GOT2: variants seen among roughly 807,000 people sequenced by gnomAD.
GOT2 encodes the protein glutamic-oxaloacetic transaminase 2, also known as aspartate aminotransferase, mitochondrial.
Under a neutral mutation model 50.0 loss-of-function variants are expected in GOT2, and 17 were observed. That is an observed-to-expected ratio of 0.34 (90% CI 0.23 to 0.51). The LOEUF is 0.51. Ranked by LOEUF, GOT2 falls within the 20% of genes least tolerant of loss-of-function variation. GOT2 has a pLI of 0.97. For missense variants in GOT2, 430 were observed against 559.6 expected (o/e 0.77, Z 2.34); for synonymous variants, 172 against 204.9 (o/e 0.84, Z 1.37).
At chr16:58,734,008 G>A in intron 1 of GOT2, 132 bp downstream of exon 1, 1 of 374,924 alleles carries the variant, frequency 2.7e-6, no homozygotes, top group Non-Finnish European at 4.2e-6. Flanking sequence ...GGGGGTGGCA[G>A]AAAAGTGTGT....
At chr16:58,733,776 C>G (rs922237140) in intron 1 of GOT2, 2 of 205,502 alleles carry the variant, frequency 9.7e-6, no homozygotes, top group East Asian at 1.0e-4. Context: ...GGCACCCTAT[C>G]AAGGGCACGG....
chr16:58,708,468 G>A (rs892982657), intron 9 of GOT2, among the ~76,000 whole-genome samples, 175 bp from the exon 10 acceptor site: 10 of 152,114 alleles, frequency 6.6e-5, no homozygotes, highest in Non-Finnish European at 1.0e-4. Flanking sequence ...AGGCTGGGGC[G>A]GTGGCTCACA....
intron 4 of GOT2, 142 bp downstream of exon 4, chr16:58,719,054 C>T (rs943677026): frequency 1.5e-6 from 1 of 668,518 alleles, no homozygotes; most frequent in African/African-American, 1.8e-5. Flanking sequence ...AAAGTCCTTT[C>T]ATTTTTTCAT....
At position 58,709,411 on chromosome 16, in the gene GOT2, A is replaced by G. The variant is rs1335702542; in HGVS notation, c.1170+6T>C. 1.3e-6 allele frequency: 2 copies of G among 1,587,158 alleles called. No homozygotes were observed. Among genetic ancestry groups the G allele is most frequent in the Non-Finnish European group, 1.7e-6 (2 of 1,158,788 alleles). ...GGTCTGCTGCAGAGAAATCAGAATC[A>G]CTCACCTGTTCAGGCTTTAGCCCTG... is the stretch of plus-strand genomic sequence containing the variant. On this transcript the variant is annotated splice_donor_region_variant and intron_variant, in intron 9 of 9. Transcript: ENST00000245206.
chr16:58,730,121 A>C (rs2044822680), intron 1 of GOT2, among the ~76,000 whole-genome samples: 1 of 152,114 alleles, frequency 6.6e-6, no homozygotes, highest in Non-Finnish European at 1.5e-5. Context: ...GAACACTGAC[A>C]ATTTATGGAG....
At chr16:58,715,978 A>C (rs777570138) in intron 8 of GOT2, 36 bp downstream of exon 8, 9 of 1,550,214 alleles carry the variant, frequency 5.8e-6, no homozygotes, top group Admixed American at 1.8e-5. Flanking sequence ...AGTGGTGGGA[A>C]CAGGTAGGTG....
chr16:58,733,472 A>G (rs2044851407), intron 1 of GOT2, among the ~76,000 whole-genome samples: 1 of 152,094 alleles, frequency 6.6e-6, no homozygotes, highest in Admixed American at 6.5e-5. Context: ...CTTAGGGGCA[A>G]TAAGGAAAAA....
chr16:58,713,238 CA>C (rs2044664869), intron 8 of GOT2, among the ~76,000 whole-genome samples: 1 of 152,072 alleles, frequency 6.6e-6, no homozygotes, highest in African/African-American at 2.4e-5. Context: ...TTCCCTTTCA[CA>C]AACTTTCTGA....
chr16:58,729,598 A>G (rs1324162155), intron 1 of GOT2, among the ~76,000 whole-genome samples: 1 of 152,100 alleles, frequency 6.6e-6, no homozygotes, highest in Non-Finnish European at 1.5e-5. Flanking sequence ...CCCTACCACA[A>G]GGAGAGAAAG....
chr16:58,726,712 T>C (rs2044787865), intron 1 of GOT2, among the ~76,000 whole-genome samples: 1 of 151,158 alleles, frequency 6.6e-6, no homozygotes, highest in African/African-American at 2.4e-5. Context: ...GGTCTCTACC[T>C]CCTGACCTCA....
chr16:58,710,926 C>G (rs1401040131), intron 8 of GOT2, among the ~76,000 whole-genome samples: 1 of 144,274 alleles, frequency 6.9e-6, no homozygotes, highest in East Asian at 2.1e-4. Context: ...GGAGATGGCG[C>G]CACTGCACTC....
chr16:58,715,640 C>T (rs2044686354), intron 8 of GOT2, among the ~76,000 whole-genome samples: 1 of 152,204 alleles, frequency 6.6e-6, no homozygotes, highest in South Asian at 2.1e-4. Flanking sequence ...GCAGCCTTCG[C>T]CTCCCAGGTT....
At chr16:58,723,935 T>C in intron 1 of GOT2, 33 bp from the exon 2 acceptor site, 1 of 1,579,744 alleles carries the variant, frequency 6.3e-7, no homozygotes, top group Non-Finnish European at 8.7e-7. Context: ...TCAATCCCAT[T>C]AGCTAGATCC....
intron 1 of GOT2, among the ~76,000 whole-genome samples, chr16:58,725,910 C>T (rs1417755862): frequency 6.6e-6 from 1 of 152,166 alleles, no homozygotes; most frequent in African/African-American, 2.4e-5. Flanking sequence ...AATTCTCAAA[C>T]TTTGTGATCT....
At chr16:58,733,494 CA>C (rs1212260573) in intron 1 of GOT2, among the ~76,000 whole-genome samples, 1 of 151,966 alleles carries the variant, frequency 6.6e-6, no homozygotes, top group Non-Finnish European at 1.5e-5. Flanking sequence ...CAAAACAAAA[CA>C]AAAAAAGAGA....
intron 1 of GOT2, among the ~76,000 whole-genome samples, chr16:58,724,920 CACATT>C (rs1282165482): frequency 6.6e-6 from 1 of 152,132 alleles, no homozygotes; most frequent in Non-Finnish European, 1.5e-5. Context: ...TCTAGGACAC[CACATT>C]ATGCTTAGTT....
At chr16:58,730,355 C>T (rs1019232925) in intron 1 of GOT2, among the ~76,000 whole-genome samples, 1 of 151,210 alleles carries the variant, frequency 6.6e-6, no homozygotes, top group Non-Finnish European at 1.5e-5. Flanking sequence ...CTCAGGTAGG[C>T]TCCAGTGTCT....
chr16:58,716,419 C>T (rs2044693301), intron 7 of GOT2: 1 of 599,294 alleles, frequency 1.7e-6, no homozygotes, highest in East Asian at 2.9e-5. Flanking sequence ...GGATTTGTTA[C>T]TTTTTGTTTA....
rs895891934 is a variant in GOT2 at position 58,719,247 on chromosome 16, A to G, written c.384T>C (p.Thr128=). 1 of 1,612,820 alleles carries G rather than the reference A, an allele frequency of 6.2e-7. No individual in the cohort carries two copies. Residue 128 remains threonine, a synonymous_variant, in exon 4 of 10, where the codon ACT becomes ACC. Transcript: ENST00000245206. The stretch of plus-strand genomic sequence containing the variant: ...CTCCAGTTCCAGAAATGGTCTGCAC[A>G]GTGACAAACTGAAGGAGAGATACCC... ...SEVLKSGRFV[T]VQTISGTGAL...
Sources: gnomAD v4.1 joint callset for allele counts (sites outside exome capture counted in the v4.1 genomes callset) on GRCh38, gnomAD v4.1.1 for gene constraint, MANE v1.5 for transcripts, NCBI Gene and HGNC (gene_info 2026-07-23, HGNC 2026-07-21) for gene names.